Variants in PRDM8 observed in about 807,000 individuals in gnomAD.
PRDM8 encodes the protein PR domain zinc finger protein 8.
A neutral mutation model predicts 46.5 loss-of-function variants in PRDM8; 13 were observed. The observed-to-expected ratio is 0.28, with a 90% CI of 0.18 to 0.44. The LOEUF (loss-of-function observed/expected upper bound fraction) is 0.44. Ranked by LOEUF, PRDM8 falls within the 20% of genes least tolerant of loss-of-function variation. The pLI, the probability that PRDM8 is intolerant of heterozygous loss-of-function variation, is 1.00. For missense variants in PRDM8, 998 were observed against 955.0 expected (o/e 1.04, Z -0.59); for synonymous variants, 473 against 438.4 (o/e 1.08, Z -0.98).
chr4:80,196,625 C>T, upstream of PRDM8: 1 of 984,790 alleles, frequency 1.0e-6, no homozygotes. Flanking sequence ...TTTTTAATCA[C>T]CCTTGCCCCC....
In PRDM8 at chr4:80,200,218, G is replaced by A. The variant is rs776440845; in HGVS notation, c.138G>A (p.Leu46=). 3.1e-6 allele frequency: 5 copies of A among 1,614,112 alleles called. No individual in the cohort carries two copies. The South Asian group carries it at 5.5e-5, about 18-fold the overall frequency. The change falls in exon 2 of 4, where the codon CTG becomes CTA. Residue 46 remains leucine, a synonymous_variant. Transcript: ENST00000415738. ...PENAIFGPCV[L]SHTSLYDSIA... ...ATGCTATATTTGGTCCCTGTGTCCT[G>A]AGCCATACTTCCCTATATGACAGCA... is the stretch of plus-strand genomic sequence containing the variant.
At chr4:80,186,665 T>C (rs922459547) in intron 1 of PRDM8, among the ~76,000 whole-genome samples, 10 of 152,200 alleles carry the variant, frequency 6.6e-5, no homozygotes, top group East Asian at 5.8e-4. Flanking sequence ...TAGCTTTCAA[T>C]TGAAAACCAA....
chr4:80,202,664 A>G lies in PRDM8; in HGVS notation c.1202A>G (p.Glu401Gly). Residue 401 changes from glutamate to glycine, a missense_variant, in exon 4 of 4, where the codon GAG (glutamate) becomes GGG (glycine). Coordinates refer to ENST00000415738, the MANE Select transcript of PRDM8 (RefSeq NM_001099403.2). ...KAARAASLQE[E>G]GTADGAGVAS... ...GCCCGCGCGGCCAGCCTGCAGGAGG[A>G]GGGGACAGCCGACGGCGCGGGAGTC... is the stretch of plus-strand genomic sequence containing the variant. 1 of 1,463,086 alleles carries G rather than the reference A, an allele frequency of 6.8e-7. No individual in the cohort carries two copies. The highest frequency in any genetic ancestry group is 9.0e-7 in the Non-Finnish European group (1 of 1,112,060). 90.6% of individuals were successfully genotyped at this position (1,463,086 alleles called of 1,614,324 possible). A position where few individuals can be genotyped will look rare whatever the true frequency, so the allele number is the denominator to read the frequency against.
chr4:80,199,016 T>C (rs1437261644), intron 1 of PRDM8, among the ~76,000 whole-genome samples: 1 of 135,270 alleles, frequency 7.4e-6, no homozygotes, highest in African/African-American at 3.0e-5. Flanking sequence ...TTTTTTTTTT[T>C]TTAGTGATAA....
intron 1 of PRDM8, among the ~76,000 whole-genome samples, chr4:80,188,709 G>C (rs1737307665): frequency 6.6e-6 from 1 of 152,200 alleles, no homozygotes; most frequent in Non-Finnish European, 1.5e-5. Flanking sequence ...CCTAGCCTGG[G>C]CGGAAAGTTT....
rs1274420478 is a variant in PRDM8, at chr4:80,202,554, G to C, written c.1092G>C (p.Leu364=). ...QYRASGSYFG[L]EENGRLFAPP... is the part of the protein sequence containing the mutation. ...GAGCCTCGGGCAGCTACTTCGGCCT[G>C]GAAGAGAACGGCCGCCTCTTCGCGC... The change falls in exon 4 of 4, where the codon CTG becomes CTC. Residue 364 remains leucine (L), a synonymous_variant. Coordinates refer to ENST00000415738, the MANE Select transcript of PRDM8 (RefSeq NM_001099403.2). 1.6e-5 allele frequency: 25 copies of C among 1,534,994 alleles called. No individual in the cohort carries two copies. The highest frequency in any genetic ancestry group is 2.0e-5 in the Non-Finnish European group (23 of 1,146,396).
At chr4:80,199,994 C>G in intron 1 of PRDM8, 85 bp from the exon 2 acceptor site, 1 of 1,080,648 alleles carries the variant, frequency 9.3e-7, no homozygotes, top group South Asian at 1.4e-5. Flanking sequence ...GAAAATCTAC[C>G]TAGTATTTGG....
At chr4:80,197,981 A>G (rs1447110877) in intron 1 of PRDM8, among the ~76,000 whole-genome samples, 1 of 152,236 alleles carries the variant, frequency 6.6e-6, no homozygotes, top group Non-Finnish European at 1.5e-5. Context: ...GCCGCCAGAC[A>G]ATGCCTGCCT....
At chr4:80,198,925 G>A (rs1169340617) in intron 1 of PRDM8, among the ~76,000 whole-genome samples, 2 of 143,090 alleles carry the variant, frequency 1.4e-5, no homozygotes, top group East Asian at 4.7e-4. Context: ...GAAATACTAA[G>A]CAATGCAGCT....
chr4:80,187,243 CT>C (rs375944830), intron 1 of PRDM8, among the ~76,000 whole-genome samples: 1,267 of 90,700 alleles, frequency 0.014, 45 homozygotes, highest in African/African-American at 0.086. Context: ...ATTCTCTGCC[CT>C]GGGGCGGGGG....
chr4:80,194,240 G>GT, upstream of PRDM8: 1 of 974,540 alleles, frequency 1.0e-6, no homozygotes, highest in Non-Finnish European at 1.2e-6. Context: ...GTGGAACAAG[G>GT]TGAGCATACC....
intron 1 of PRDM8, among the ~76,000 whole-genome samples, chr4:80,186,327 G>T (rs13125799): frequency 0.72 from 107,817 of 150,778 alleles, 38,844 homozygotes; most frequent in East Asian, 0.92. Flanking sequence ...TACTTTTGCA[G>T]CCTTTCCTTC....
chr4:80,200,089 T>C lies in PRDM8; in HGVS notation c.9T>C (p.Asp3=), dbSNP rs1738313020. 7 of 1,612,944 alleles carry C rather than the reference T, an allele frequency of 4.3e-6. No homozygotes were observed. The highest frequency in any genetic ancestry group is 5.9e-6 in the Non-Finnish European group (7 of 1,179,048). ME[D]TGIQRGIWDG... ...TGTGTCTATCTCCAGTGATGGAGGATACTGGCATCCAGCGAGGCATCTGGG... is the reference window on the plus strand; with the variant it reads ...TGTGTCTATCTCCAGTGATGGAGGACACTGGCATCCAGCGAGGCATCTGGG... The change falls in exon 2 of 4, where the codon GAT becomes GAC. Residue 3 remains aspartate, a synonymous_variant. Transcript: ENST00000415738.
Position 80,203,687 on chromosome 4 carries a change from A to G in PRDM8, c.*155A>G. 1 of 1,166,768 alleles carries G rather than the reference A, an allele frequency of 8.6e-7. No individual in the cohort carries two copies. The highest frequency in any genetic ancestry group is 1.1e-6 in the Non-Finnish European group (1 of 903,424). 72.3% of individuals were successfully genotyped at this position (1,166,768 alleles called of 1,614,324 possible). A position where few individuals can be genotyped will look rare whatever the true frequency, so the allele number is the denominator to read the frequency against. ...CCCCCCGCCCCCCCAACGCGCACAC[A>G]CACGTCCTCTCCTCCCAGGAACCTC... On this transcript the variant is annotated 3_prime_UTR_variant, in exon 4 of 4. Transcript: ENST00000415738.
In PRDM8 at chr4:80,200,201, T is replaced by C. The variant is rs1199491730; in HGVS notation, c.121T>C (p.Phe41Leu). The change falls in exon 2 of 4, where the codon TTT becomes CTT. Residue 41 changes from phenylalanine (F) to leucine (L), a missense_variant. Physicochemically the swap from Phe to Leu is conservative, Grantham distance 22 (BLOSUM62 0). Transcript: ENST00000415738. ...CTGCGACATCCCTGAGAATGCTATA[T>C]TTGGTCCCTGTGTCCTGAGCCATAC... ...TTCDIPENAIFGPCVLSHTSL... is the reference protein window; with the variant it reads ...TTCDIPENAILGPCVLSHTSL... The C allele has an allele frequency of 1.2e-6, 2 of 1,614,000 alleles. No individual in the cohort carries two copies. Among genetic ancestry groups the C allele is most frequent in the Non-Finnish European group, 1.7e-6 (2 of 1,179,960 alleles).
At chr4:80,196,350 A>G, upstream of PRDM8, 1 of 985,466 alleles carries the variant, frequency 1.0e-6, no homozygotes, top group Non-Finnish European at 1.2e-6. Context: ...TTCTTCCTTT[A>G]GGAGTAGAGA....
At chr4:80,189,394 C>T (rs1259019967) in intron 1 of PRDM8, among the ~76,000 whole-genome samples, 1 of 149,938 alleles carries the variant, frequency 6.7e-6, no homozygotes, top group Non-Finnish European at 1.5e-5. Flanking sequence ...CCTTCCGCAG[C>T]AAACTGATTG....
rs2109879360 is a variant in PRDM8 at position 80,202,695 on chromosome 4, C to G, written c.1233C>G (p.Ser411=). Residue 411 remains serine, a synonymous_variant, in exon 4 of 4, where the codon TCC becomes TCG. Transcript: ENST00000415738. ...CAGCCGACGGCGCGGGAGTCGCCTC[C>G]GAGGACCAGGACGCTGGCGGCGGCG... The part of the protein sequence containing the change: ...EGTADGAGVA[S]EDQDAGGGGG... 1 of 1,389,880 alleles carries G rather than the reference C, an allele frequency of 7.2e-7. No individual in the cohort carries two copies. The highest frequency in any genetic ancestry group is 9.3e-7 in the Non-Finnish European group (1 of 1,078,120). The allele number at this position is 1,389,880 out of a possible 1,614,324, so 86.1% of individuals were successfully genotyped here. A position where few individuals can be genotyped will look rare whatever the true frequency, so the allele number is the denominator to read the frequency against.
chr4:80,186,430 G>GGAGAGAGAGAGAGAGAGAGAGA (rs70944766), intron 1 of PRDM8, among the ~76,000 whole-genome samples: 6,812 of 129,746 alleles, frequency 0.053, 449 homozygotes, highest in Middle Eastern at 0.065. Context: ...AAGGCAGGGT[G>GGAGAGAGAGAGAGAGAGAGAGA]GAGAGAGAGA....
Sources: gnomAD v4.1 joint callset for allele counts (sites outside exome capture counted in the v4.1 genomes callset) on GRCh38, gnomAD v4.1.1 for gene constraint, MANE v1.5 for transcripts, NCBI Gene and HGNC (gene_info 2026-07-23, HGNC 2026-07-21) for gene names.